GANAB: variants seen among roughly 807,000 people sequenced by gnomAD.
GANAB encodes the protein glucosidase II alpha subunit.
Under a neutral mutation model 129.9 loss-of-function variants are expected in GANAB, and 35 were observed. That is an observed-to-expected ratio of 0.27 (90% CI 0.21 to 0.36). The LOEUF (loss-of-function observed/expected upper bound fraction) is 0.36, where lower values mean the gene tolerates loss of function less well. Ranked by LOEUF, GANAB falls within the 10% of genes least tolerant of loss-of-function variation. The pLI, the probability that GANAB is intolerant of heterozygous loss-of-function variation, is 1.00. For missense variants in GANAB, 939 were observed against 1,221.0 expected, an observed-to-expected ratio of 0.77 and a Z score of 3.44; for synonymous variants, 482 against 451.8, an observed-to-expected ratio of 1.07 and a Z score of -0.85.
chr11:62,638,075 A>G (rs1397943732), intron 4 of GANAB, among the ~76,000 whole-genome samples: 1 of 152,216 alleles, frequency 6.6e-6, no homozygotes, highest in Non-Finnish European at 1.5e-5. Flanking sequence ...CAAAGGAAGG[A>G]TAAGCTTCAG....
intron 2 of GANAB, 41 bp downstream of exon 2, chr11:62,639,586 A>G: frequency 6.7e-7 from 1 of 1,500,570 alleles, no homozygotes; most frequent in African/African-American, 1.4e-5. Flanking sequence ...ACATTACCCT[A>G]CAACCCTACA....
intron 8 of GANAB, 74 bp from the exon 9 acceptor site, chr11:62,632,819 C>T: frequency 8.1e-7 from 1 of 1,228,600 alleles, no homozygotes; most frequent in South Asian, 1.3e-5. Flanking sequence ...ACTCCACAGA[C>T]ACAGGTGAGA....
intron 1 of GANAB, among the ~76,000 whole-genome samples, chr11:62,642,538 G>A (rs944581955): frequency 2.0e-5 from 3 of 151,662 alleles, no homozygotes; most frequent in Non-Finnish European, 4.4e-5. Context: ...GGGTTCAAGC[G>A]ATTCTCCCGC....
At chr11:62,638,132 C>T (rs529922772) in intron 4 of GANAB, among the ~76,000 whole-genome samples, 32 of 152,186 alleles carry the variant, frequency 2.1e-4, no homozygotes, top group African/African-American at 7.7e-4. Flanking sequence ...CAGGACAGTG[C>T]GGGTTGGGCT....
chr11:62,636,650 A>G (rs900373011), intron 4 of GANAB, among the ~76,000 whole-genome samples: 3 of 152,106 alleles, frequency 2.0e-5, no homozygotes, highest in Admixed American at 6.6e-5. Context: ...CCCTGTCTCT[A>G]CTAAAAATAC....
intron 1 of GANAB, among the ~76,000 whole-genome samples, chr11:62,644,571 G>A (rs989082476): frequency 3.9e-5 from 6 of 152,110 alleles, no homozygotes; most frequent in Non-Finnish European, 5.9e-5. Flanking sequence ...CATGAGCTAC[G>A]ATTGCACCAC....
chr11:62,634,352 G>T (rs777394229), intron 5 of GANAB: 1 of 1,611,558 alleles, frequency 6.2e-7, no homozygotes, highest in Non-Finnish European at 8.5e-7. Flanking sequence ...GCTACCAAGC[G>T]TGAGATTAAC....
At chr11:62,642,730 A>G (rs1392264187) in intron 1 of GANAB, among the ~76,000 whole-genome samples, 1 of 151,790 alleles carries the variant, frequency 6.6e-6, no homozygotes, top group African/African-American at 2.4e-5. Context: ...ATCGCGCCCC[A>G]CTGGCTAAAG....
In GANAB at chr11:62,626,860, A is replaced by G. The variant is rs1943406075; in HGVS notation, c.2397T>C (p.Ser799=). 6.2e-7 allele frequency: 1 copy of G among 1,606,312 alleles called. No individual in the cohort carries two copies. The highest frequency in any genetic ancestry group is 1.3e-5 in the African/African-American group (1 of 74,764). The change falls in exon 20 of 24, where the codon AGT becomes AGC. Residue 799 remains serine (S), a splice_region_variant and synonymous_variant. Coordinates refer to ENST00000356638, the MANE Select transcript of GANAB (RefSeq NM_198334.3). ...QTLYLPVTLS[S]IPVFQRGGTI... Reference sequence around the variant, plus strand: ...CGGCAGCCAGACCAGGCTTACTCACACTGCTTAGAGTTACAGGCAGGTACA... The same window carrying G: ...CGGCAGCCAGACCAGGCTTACTCACGCTGCTTAGAGTTACAGGCAGGTACA...
chr11:62,630,524 G>A lies in GANAB; in HGVS notation c.1387-19C>T, dbSNP rs770315453. ...CCACCAGCTGGGGGCAAGGAACAGGGGTGTTCAGGTCTCTTTAAGGCTAAA... is the reference window on the plus strand; with the variant it reads ...CCACCAGCTGGGGGCAAGGAACAGGAGTGTTCAGGTCTCTTTAAGGCTAAA... On this transcript the variant is annotated intron_variant, in intron 11 of 23. Coordinates refer to ENST00000356638, the MANE Select transcript of GANAB (RefSeq NM_198334.3). 6.2e-7 allele frequency: 1 copy of A among 1,614,154 alleles called. No homozygotes were observed. The highest frequency in any genetic ancestry group is 1.7e-5 in the Admixed American group (1 of 60,016).
chr11:62,629,139 CT>C (rs1486304827), intron 16 of GANAB, 54 bp downstream of exon 16: 8 of 1,538,298 alleles, frequency 5.2e-6, no homozygotes, highest in East Asian at 2.2e-5. Flanking sequence ...GTCCTGTGCC[CT>C]CTACTTTGCC....
chr11:62,632,162 T>C (rs1943719757), intron 9 of GANAB, among the ~76,000 whole-genome samples: 1 of 151,602 alleles, frequency 6.6e-6, no homozygotes, highest in African/African-American at 2.4e-5. Context: ...CTAGTAGAGA[T>C]GAGGTTTCGC....
rs1034645801 is a variant in GANAB at position 62,627,438 on chromosome 11, A to C, written c.2181-85T>G. On this transcript the variant is annotated intron_variant, in intron 17 of 23. Transcript: ENST00000356638. The stretch of plus-strand genomic sequence containing the variant: ...CTCCTCCAGGAACTGGCAATAAGAA[A>C]AGAACAGCATAGGCCGGGTGTGGTG... 21 of 791,638 alleles carry C rather than the reference A, an allele frequency of 2.7e-5. No homozygotes were observed. In the East Asian group the frequency reaches 4.6e-4, roughly 17 times the overall value. 49.0% of individuals were successfully genotyped at this position (791,638 alleles called of 1,614,324 possible). A position where few individuals can be genotyped will look rare whatever the true frequency, so the allele number is the denominator to read the frequency against.
At position 62,631,103 on chromosome 11, in the gene GANAB, A is replaced by G; in HGVS notation, c.1077T>C (p.Thr359=). ...GCAGCAGGAAGACGTCAATGATGCC[A>G]GTCTCTGACATCCAGCGAACATCTG... is the stretch of plus-strand genomic sequence containing the variant. ...PQTDVRWMSE[T]GIIDVFLLLG... Residue 359 remains threonine (T), a synonymous_variant, in exon 10 of 24, where the codon ACT becomes ACC. Transcript: ENST00000356638. 1 of 1,612,338 alleles carries G rather than the reference A, an allele frequency of 6.2e-7. No homozygotes were observed. Among genetic ancestry groups the G allele is most frequent in the Non-Finnish European group, 8.5e-7 (1 of 1,178,396 alleles).
chr11:62,643,352 A>C (rs1399036300), intron 1 of GANAB, among the ~76,000 whole-genome samples: 1 of 152,084 alleles, frequency 6.6e-6, no homozygotes, highest in Non-Finnish European at 1.5e-5. Context: ...AAATACAAAA[A>C]TTAGGCCGGG....
chr11:62,633,282 G>C lies in GANAB; in HGVS notation c.631-11C>G. 6.2e-7 allele frequency: 1 copy of C among 1,606,484 alleles called. No individual in the cohort carries two copies. The highest frequency in any genetic ancestry group is 8.5e-7 in the Non-Finnish European group (1 of 1,173,072). ...CTGAGTCTCCTCTGGCTGTTAAGAA[G>C]AAAAGAGGACCACTCTCCAATCATA... is the stretch of plus-strand genomic sequence containing the variant. On this transcript the variant is annotated splice_polypyrimidine_tract_variant and intron_variant, in intron 6 of 23. Coordinates refer to ENST00000356638, the MANE Select transcript of GANAB (RefSeq NM_198334.3).
intron 14 of GANAB, 46 bp from the exon 15 acceptor site, chr11:62,629,730 T>C (rs370381689): frequency 1.2e-5 from 19 of 1,603,466 alleles, no homozygotes; most frequent in Non-Finnish European, 1.6e-5. Flanking sequence ...AAAAGCCAGC[T>C]GTCATCTGGT....
At position 62,646,580 on chromosome 11, in the gene GANAB, A is replaced by C. The variant is rs780758909; in HGVS notation, c.20T>G (p.Val7Gly). 9.4e-5 allele frequency: 152 copies of C among 1,613,400 alleles called. No homozygotes were observed. In the Admixed American group the frequency reaches 1.0e-3, roughly 11 times the overall value. The change falls in exon 1 of 24, where the codon GTG (valine) becomes GGG (glycine). Residue 7 changes from valine to glycine, a missense_variant. Val to Gly is a moderately radical substitution (Grantham distance 109, BLOSUM62 -3). Around this residue, in one of 5 missense-constraint regions of GANAB, gnomAD observed 321 missense variants for 329.1 expected, o/e 0.98. Coordinates refer to ENST00000356638, the MANE Select transcript of GANAB (RefSeq NM_198334.3). MAAVAA[V>G]AARRRRSWAS... ...TCCTCACCGCCTCCTACGCGCCGCC[A>C]CTGCCGCTACCGCCGCCATCTTGTG...
chr11:62,627,440 G>A (rs1943447430), intron 17 of GANAB, 87 bp from the exon 18 acceptor site: 1 of 778,180 alleles, frequency 1.3e-6, no homozygotes, highest in South Asian at 1.4e-5. Context: ...AATAAGAAAA[G>A]AACAGCATAG....
Sources: allele counts gnomAD v4.1 joint callset (sites outside exome capture counted in the v4.1 genomes callset), GRCh38; gene constraint gnomAD v4.1.1; regional missense constraint gnomAD v4.1.1; transcripts MANE v1.5; gene names NCBI Gene and HGNC (gene_info 2026-07-23, HGNC 2026-07-21).